The following KIF16B variants were observed in gnomAD, a reference collection of about 807,000 sequenced individuals.
KIF16B encodes the protein kinesin-like protein KIF16B.
Under a neutral mutation model 156.3 loss-of-function variants are expected in KIF16B, and 98 were observed. The observed-to-expected ratio is 0.63, with a 90% confidence interval of 0.53 to 0.74. KIF16B has a LOEUF of 0.74. Ranked by LOEUF, KIF16B falls within the 30% of genes least tolerant of loss-of-function variation. The pLI, the probability that KIF16B is intolerant of heterozygous loss-of-function variation, is 0.00. For synonymous variants in KIF16B, 564 were observed against 583.7 expected, an observed-to-expected ratio of 0.97 and a Z score of 0.49; for missense variants, 1,421 against 1,606.5, an observed-to-expected ratio of 0.88 and a Z score of 1.97.
chr20:16,367,656 G>C (rs1328584973), intron 22 of KIF16B: 1 of 1,612,624 alleles, frequency 6.2e-7, no homozygotes, highest in Admixed American at 1.7e-5. Context: ...TGTCAACCAA[G>C]GTAGTCTGGA....
intron 14 of KIF16B, 49 bp downstream of exon 14, chr20:16,428,904 T>C: frequency 1.3e-6 from 2 of 1,521,024 alleles, no homozygotes; most frequent in Non-Finnish European, 1.8e-6. Context: ...CTTCCTTGAA[T>C]ACAACCTTAA....
At chr20:16,280,310 C>A (rs932319501) in intron 25 of KIF16B, among the ~76,000 whole-genome samples, 11 of 152,190 alleles carry the variant, frequency 7.2e-5, no homozygotes, top group Non-Finnish European at 1.6e-4. Context: ...TCTCTTACAC[C>A]CATTCCCTTT....
At chr20:16,313,931 T>C (rs1172640980) in intron 24 of KIF16B, among the ~76,000 whole-genome samples, 1 of 152,260 alleles carries the variant, frequency 6.6e-6, no homozygotes, top group Admixed American at 6.5e-5. Context: ...CATATGTACG[T>C]ATTTCTGATA....
intron 12 of KIF16B, among the ~76,000 whole-genome samples, chr20:16,445,298 CAT>C (rs1242930950): frequency 2.6e-5 from 4 of 152,096 alleles, no homozygotes; most frequent in Non-Finnish European, 4.4e-5. Flanking sequence ...TAAATGCACA[CAT>C]GATAACTAAC....
At chr20:16,524,827 C>A (rs1037768620) in intron 3 of KIF16B, among the ~76,000 whole-genome samples, 1 of 152,144 alleles carries the variant, frequency 6.6e-6, no homozygotes, top group Non-Finnish European at 1.5e-5. Flanking sequence ...ACATATAAAC[C>A]ATGGAATACT....
intron 25 of KIF16B, among the ~76,000 whole-genome samples, chr20:16,279,578 C>T (rs1302688560): frequency 1.3e-5 from 2 of 152,182 alleles, no homozygotes; most frequent in East Asian, 3.9e-4. Flanking sequence ...CACAATCAAG[C>T]TCCTCCAGGG....
chr20:16,379,474 A>C lies in KIF16B; in HGVS notation c.2528T>G (p.Leu843Arg). The C allele has an allele frequency of 6.2e-7, 1 of 1,614,090 alleles. No individual in the cohort carries two copies. The highest frequency in any genetic ancestry group is 1.1e-5 in the South Asian group (1 of 91,078). Residue 843 changes from leucine (L) to arginine (R), a missense_variant, in exon 19 of 26, where the codon CTG becomes CGG. Coordinates refer to ENST00000354981, the MANE Select transcript of KIF16B (RefSeq NM_024704.5). ...TTTCAGGATGTCTTTCTGCTGAACCAGGTCCTTCTCCAAGTTCACTAGCTT... is the reference window on the plus strand; with the variant it reads ...TTTCAGGATGTCTTTCTGCTGAACCCGGTCCTTCTCCAAGTTCACTAGCTT... The part of the protein sequence containing the change: ...LVKLVNLEKD[L>R]VQQKDILKKE...
chr20:16,364,506 C>T (rs1056002788), intron 22 of KIF16B, among the ~76,000 whole-genome samples: 5 of 152,176 alleles, frequency 3.3e-5, no homozygotes, highest in African/African-American at 1.2e-4. Flanking sequence ...TCTAGGGGTG[C>T]TGTAGGCTTA....
intron 25 of KIF16B, among the ~76,000 whole-genome samples, chr20:16,289,813 C>T (rs1372728384): frequency 6.6e-6 from 1 of 152,150 alleles, no homozygotes; most frequent in South Asian, 2.1e-4. Flanking sequence ...TGCACTCCAA[C>T]CTGGGTGACA....
At chr20:16,437,986 T>TAAAA (rs774876495) in intron 12 of KIF16B, among the ~76,000 whole-genome samples, 2 of 99,486 alleles carry the variant, frequency 2.0e-5, no homozygotes, top group Admixed American at 2.0e-4. Flanking sequence ...TAAAAAAAAA[T>TAAAA]AATAAAAAAA....
At chr20:16,361,130 T>A (rs2064544176) in intron 22 of KIF16B, among the ~76,000 whole-genome samples, 1 of 152,202 alleles carries the variant, frequency 6.6e-6, no homozygotes, top group Non-Finnish European at 1.5e-5. Flanking sequence ...TTACAAATTC[T>A]CCTGTCCCTG....
chr20:16,339,360 T>A (rs2064100301), intron 23 of KIF16B, among the ~76,000 whole-genome samples: 1 of 152,210 alleles, frequency 6.6e-6, no homozygotes, highest in African/African-American at 2.4e-5. Context: ...TAGTTTTCTT[T>A]TCATCTGGGA....
intron 23 of KIF16B, among the ~76,000 whole-genome samples, chr20:16,344,675 T>C: frequency 6.6e-6 from 1 of 152,056 alleles, no homozygotes. Context: ...GACAGCCCCC[T>C]AGGAGGGTAG....
At chr20:16,461,982 C>T (rs972016971) in intron 12 of KIF16B, among the ~76,000 whole-genome samples, 1 of 152,192 alleles carries the variant, frequency 6.6e-6, no homozygotes, top group Non-Finnish European at 1.5e-5. Flanking sequence ...GGCATGGTAG[C>T]TCACATCTGT....
chr20:16,523,768 C>G (rs1196722699), intron 3 of KIF16B, among the ~76,000 whole-genome samples: 1 of 152,182 alleles, frequency 6.6e-6, no homozygotes, highest in East Asian at 1.9e-4. Context: ...AGGCATCACA[C>G]TACCTGACTT....
intron 12 of KIF16B, among the ~76,000 whole-genome samples, chr20:16,438,731 G>T (rs1177152816): frequency 1.3e-5 from 2 of 152,124 alleles, no homozygotes; most frequent in Non-Finnish European, 2.9e-5. Context: ...ATGATGAAAA[G>T]ATGTTAAGAA....
intron 25 of KIF16B, among the ~76,000 whole-genome samples, chr20:16,301,414 CTG>C (rs1181793867): frequency 6.6e-6 from 1 of 152,176 alleles, no homozygotes; most frequent in Non-Finnish European, 1.5e-5. Context: ...ATCGCCAAAA[CTG>C]TGCAAAGTGG....
At chr20:16,450,172 A>T (rs1176404946) in intron 12 of KIF16B, among the ~76,000 whole-genome samples, 2 of 152,248 alleles carry the variant, frequency 1.3e-5, no homozygotes, top group African/African-American at 4.8e-5. Flanking sequence ...ATCCAATTTT[A>T]TAGATCTATT....
At position 16,274,456 on chromosome 20, in the gene KIF16B, T is replaced by C. The variant is rs1035133314; in HGVS notation, c.3796-1045A>G. Among the ~76,000 whole-genome samples, 3 of 152,222 alleles carry C rather than the reference T, an allele frequency of 2.0e-5. No homozygotes were observed. In the East Asian group the frequency reaches 5.8e-4, roughly 29 times the overall value. On this transcript the variant is annotated intron_variant, in intron 25 of 25. Transcript: ENST00000354981. ...TCAAGGAAAAGAGGGCACACAAGAATAGTTAATATATTTTAGGCCAGGCAA... is the reference window on the plus strand; with the variant it reads ...TCAAGGAAAAGAGGGCACACAAGAACAGTTAATATATTTTAGGCCAGGCAA...
Sources: gnomAD v4.1 joint callset for allele counts (sites outside exome capture counted in the v4.1 genomes callset) on GRCh38, gnomAD v4.1.1 for gene constraint, MANE v1.5 for transcripts, NCBI Gene and HGNC (gene_info 2026-07-23, HGNC 2026-07-21) for gene names.